The following MPHOSPH6 variants were observed in gnomAD, a reference collection of about 807,000 sequenced individuals.
The protein encoded by MPHOSPH6 is M-phase phosphoprotein 6.
Under a neutral mutation model 21.8 loss-of-function variants are expected in MPHOSPH6, and 25 were observed. The ratio of observed to expected loss-of-function variants is 1.15; its 90% CI spans 0.83 to 1.60. The LOEUF (loss-of-function observed/expected upper bound fraction) is 1.60, where lower values mean the gene tolerates loss of function less well. MPHOSPH6 is among the 40% of genes most tolerant of loss of function. The probability of loss-of-function intolerance (pLI) is 0.00; values close to 1 mark genes in which losing one functional copy is unlikely to be tolerated. For missense variants in MPHOSPH6, 269 were observed against 181.8 expected (o/e 1.48, Z -2.76); for synonymous variants, 84 against 56.5 (o/e 1.49, Z -2.18).
intron 2 of MPHOSPH6, among the ~76,000 whole-genome samples, chr16:82,154,490 C>G (rs1048135248): frequency 6.6e-6 from 1 of 151,668 alleles, no homozygotes; most frequent in African/African-American, 2.4e-5. Context: ...AGAAAGAAAA[C>G]AACTGAAAAT....
chr16:82,157,091 G>A (rs796684191), intron 2 of MPHOSPH6, among the ~76,000 whole-genome samples: 6 of 151,962 alleles, frequency 3.9e-5, no homozygotes, highest in African/African-American at 1.4e-4. Context: ...TAAAAAACTG[G>A]AAACAACCCA....
chr16:82,158,632 G>A (rs920995443), intron 2 of MPHOSPH6, among the ~76,000 whole-genome samples: 1 of 151,530 alleles, frequency 6.6e-6, no homozygotes, highest in African/African-American at 2.4e-5. Flanking sequence ...TTGCGGGTTT[G>A]GGTTCTTTGG....
intron 2 of MPHOSPH6, among the ~76,000 whole-genome samples, chr16:82,162,523 G>A (rs1906638847): frequency 6.6e-6 from 1 of 152,154 alleles, no homozygotes; most frequent in Non-Finnish European, 1.5e-5. Context: ...CGTGAATGGA[G>A]GTAGCAGCTC....
intron 3 of MPHOSPH6, among the ~76,000 whole-genome samples, chr16:82,150,395 C>T (rs1340397823): frequency 2.0e-5 from 3 of 152,120 alleles, no homozygotes; most frequent in South Asian, 2.1e-4. Context: ...AAAGTCAAAG[C>T]GAGACCAGCA....
chr16:82,148,915 T>C, intron 4 of MPHOSPH6, 52 bp from the exon 5 acceptor site: 1 of 1,586,240 alleles, frequency 6.3e-7, no homozygotes, highest in Non-Finnish European at 8.6e-7. Flanking sequence ...AAGGTAGGGA[T>C]CAAGCCTTGT....
chr16:82,166,712 C>G (rs1906793246), intron 1 of MPHOSPH6, among the ~76,000 whole-genome samples: 1 of 152,198 alleles, frequency 6.6e-6, no homozygotes, highest in Non-Finnish European at 1.5e-5. Context: ...GATTCTCTTT[C>G]TGGGATGGTT....
chr16:82,163,981 A>T (rs6564991), intron 2 of MPHOSPH6, 101 bp downstream of exon 2: 45,063 of 735,424 alleles, frequency 0.061, 4,458 homozygotes, highest in African/African-American at 0.36. Flanking sequence ...GAACAGAAAC[A>T]ATTTCATGGG....
In MPHOSPH6 at chr16:82,148,805, T is replaced by G; in HGVS notation, c.409A>C (p.Asn137His). 6.2e-7 allele frequency: 1 copy of G among 1,614,152 alleles called. No homozygotes were observed. Among genetic ancestry groups the G allele is most frequent in the South Asian group, 1.1e-5 (1 of 91,082 alleles). Reference protein sequence around the residue: ...KKFARKRDHANYEEDENGDIT... With the variant: ...KKFARKRDHAHYEEDENGDIT... ...TCTCCATTTTCATCTTCTTCATAAT[T>G]GGCATGGTCTCTCTTTCTGGCAAAC... The change falls in exon 5 of 5, where the codon AAT becomes CAT. Residue 137 changes from asparagine to histidine, a missense_variant. Physicochemically the swap from Asn to His is moderately conservative, Grantham distance 68 (BLOSUM62 1). Coordinates refer to ENST00000258169, the MANE Select transcript of MPHOSPH6 (RefSeq NM_005792.2).
At chr16:82,163,535 G>A (rs1043885569) in intron 2 of MPHOSPH6, among the ~76,000 whole-genome samples, 1 of 152,200 alleles carries the variant, frequency 6.6e-6, no homozygotes, top group African/African-American at 2.4e-5. Flanking sequence ...CAGAATCATA[G>A]GAGGCAGTTC....
chr16:82,152,554 G>A (rs1030974712), intron 2 of MPHOSPH6, among the ~76,000 whole-genome samples: 1 of 152,144 alleles, frequency 6.6e-6, no homozygotes, highest in African/African-American at 2.4e-5. Context: ...CAGAATCACC[G>A]GGAAGGCTGA....
intron 1 of MPHOSPH6, among the ~76,000 whole-genome samples, chr16:82,167,322 G>A (rs1352857755): frequency 6.6e-6 from 1 of 152,152 alleles, no homozygotes; most frequent in East Asian, 1.9e-4. Context: ...GCATTGAAGT[G>A]AGTCAGGATT....
chr16:82,166,997 C>A (rs539146627), intron 1 of MPHOSPH6, among the ~76,000 whole-genome samples: 1 of 152,314 alleles, frequency 6.6e-6, no homozygotes, highest in South Asian at 2.1e-4. Flanking sequence ...CAGGCATCAG[C>A]ATAATACAGT....
At chr16:82,166,584 C>T (rs796428247) in intron 1 of MPHOSPH6, among the ~76,000 whole-genome samples, 4 of 152,266 alleles carry the variant, frequency 2.6e-5, no homozygotes, top group African/African-American at 9.6e-5. Context: ...CTGAATAGAC[C>T]ATGACTCTTG....
At chr16:82,168,450 C>G (rs1403484958) in intron 1 of MPHOSPH6, among the ~76,000 whole-genome samples, 1 of 148,500 alleles carries the variant, frequency 6.7e-6, no homozygotes, top group Non-Finnish European at 1.5e-5. Context: ...CAAATCTTGC[C>G]CATATAATGT....
chr16:82,163,197 G>A (rs183446080), intron 2 of MPHOSPH6, among the ~76,000 whole-genome samples: 3 of 152,276 alleles, frequency 2.0e-5, no homozygotes, highest in Non-Finnish European at 4.4e-5. Context: ...CCAAACATCA[G>A]GTACAGAATG....
intron 2 of MPHOSPH6, among the ~76,000 whole-genome samples, chr16:82,163,043 C>G (rs12102935): frequency 0.019 from 2,964 of 152,302 alleles, 113 homozygotes; most frequent in African/African-American, 0.068. Flanking sequence ...CTTGCTTCCT[C>G]TGAGAAGCAG....
intron 2 of MPHOSPH6, among the ~76,000 whole-genome samples, chr16:82,160,222 T>C (rs1243364493): frequency 6.6e-6 from 1 of 152,172 alleles, no homozygotes; most frequent in Non-Finnish European, 1.5e-5. Flanking sequence ...GCAAGTGAAA[T>C]ATTTCAAAAC....
intron 2 of MPHOSPH6, among the ~76,000 whole-genome samples, chr16:82,157,668 T>C (rs765699880): frequency 1.1e-4 from 16 of 150,170 alleles, no homozygotes; most frequent in Non-Finnish European, 2.1e-4. Context: ...GGGGAGATAC[T>C]GAGGGCAGAC....
At chr16:82,163,823 C>T (rs1300248699) in intron 2 of MPHOSPH6, 1 of 353,054 alleles carries the variant, frequency 2.8e-6, no homozygotes, top group Non-Finnish European at 5.1e-6. Context: ...TCTGCTGTTA[C>T]TATCAGAGAT....
Sources: gnomAD v4.1 joint callset for allele counts (sites outside exome capture counted in the v4.1 genomes callset) on GRCh38, gnomAD v4.1.1 for gene constraint, MANE v1.5 for transcripts, NCBI Gene and HGNC (gene_info 2026-07-23, HGNC 2026-07-21) for gene names.